PRKG1: variants seen among roughly 807,000 people sequenced by gnomAD.
PRKG1 encodes the protein cGMP-dependent protein kinase 1.
A neutral mutation model predicts 88.1 loss-of-function variants in PRKG1; 35 were observed. The observed-to-expected ratio is 0.40, with a 90% CI of 0.30 to 0.53. The LOEUF (loss-of-function observed/expected upper bound fraction) is 0.53, where lower values mean the gene tolerates loss of function less well. PRKG1 is among the 20% of genes least tolerant of loss of function. The pLI, the probability that PRKG1 is intolerant of heterozygous loss-of-function variation, is 0.59. For synonymous variants in PRKG1, 303 were observed against 292.5 expected (o/e 1.04, Z -0.37); for missense variants, 540 against 839.8 (o/e 0.64, Z 4.41).
intron 1 of PRKG1, among the ~76,000 whole-genome samples, chr10:51,077,322 A>T (rs1843982073): frequency 6.6e-6 from 1 of 152,220 alleles, no homozygotes; most frequent in Non-Finnish European, 1.5e-5. Context: ...TTAAACATAC[A>T]TATAGATTAT....
intron 3 of PRKG1, among the ~76,000 whole-genome samples, chr10:51,704,242 C>CAGATAGATAGAT (rs570192025): frequency 0.046 from 6,881 of 150,806 alleles, 484 homozygotes; most frequent in African/African-American, 0.15. Context: ...GATAGACAGA[C>CAGATAGATAGAT]AGACAGACAG....
intron 3 of PRKG1, among the ~76,000 whole-genome samples, chr10:51,566,385 A>G (rs1318992732): frequency 6.6e-6 from 1 of 152,074 alleles, no homozygotes; most frequent in Non-Finnish European, 1.5e-5. Context: ...TTATGTACTC[A>G]TTTCTGAGTA....
intron 2 of PRKG1, among the ~76,000 whole-genome samples, chr10:51,177,095 A>G (rs1837215376): frequency 6.6e-6 from 1 of 152,194 alleles, no homozygotes; most frequent in South Asian, 2.1e-4. Flanking sequence ...TCTTTCTAAC[A>G]TTCTAAGAAT....
At chr10:51,075,372 T>C (rs1843922580) in intron 1 of PRKG1, among the ~76,000 whole-genome samples, 1 of 152,234 alleles carries the variant, frequency 6.6e-6, no homozygotes, top group Non-Finnish European at 1.5e-5. Context: ...TTTCTCTACC[T>C]GCTGGCGCTT....
chr10:51,758,315 T>G (rs978261777), intron 3 of PRKG1, among the ~76,000 whole-genome samples: 4 of 152,198 alleles, frequency 2.6e-5, no homozygotes, highest in East Asian at 3.8e-4. Context: ...ACCAGTTCAT[T>G]GCAGAAAATA....
At chr10:51,444,717 T>C (rs1839218968) in intron 2 of PRKG1, among the ~76,000 whole-genome samples, 1 of 151,950 alleles carries the variant, frequency 6.6e-6, no homozygotes, top group Non-Finnish European at 1.5e-5. Context: ...CTGGTAGGCA[T>C]GAAGTGTATT....
At chr10:51,349,472 G>GTGTGTGTA (rs1842190418) in intron 2 of PRKG1, among the ~76,000 whole-genome samples, 1 of 79,784 alleles carries the variant, frequency 1.3e-5, no homozygotes, top group African/African-American at 4.5e-5. Context: ...GTGTGTGTGT[G>GTGTGTGTA]TGTGTGTGTG....
At chr10:51,735,930 CTTTTTTTTT>C (rs1180307253) in intron 3 of PRKG1, among the ~76,000 whole-genome samples, 9 of 74,952 alleles carry the variant, frequency 1.2e-4, no homozygotes, top group Non-Finnish European at 2.3e-4. Context: ...TTTAAGTTGT[CTTTTTTTTT>C]TTTTTTTTTT....
intron 2 of PRKG1, among the ~76,000 whole-genome samples, chr10:51,437,063 C>T (rs1372165528): frequency 6.6e-6 from 1 of 151,850 alleles, no homozygotes; most frequent in African/African-American, 2.4e-5. Flanking sequence ...TATCTTGTGG[C>T]GTCCTTGTTA....
chr10:51,755,454 C>T (rs988916436), intron 3 of PRKG1, among the ~76,000 whole-genome samples: 10 of 152,198 alleles, frequency 6.6e-5, no homozygotes, highest in Non-Finnish European at 1.5e-4. Context: ...TCTAAGTCAT[C>T]AGAAGCTAGA....
chr10:51,699,099 C>T (rs138451828), intron 3 of PRKG1: 2 of 1,614,202 alleles, frequency 1.2e-6, no homozygotes, highest in Non-Finnish European at 1.7e-6. Context: ...CTGTTTTGGA[C>T]ACAGAGCTTC....
intron 3 of PRKG1, among the ~76,000 whole-genome samples, chr10:51,735,877 ATATG>A (rs1434634769): frequency 8.6e-6 from 1 of 115,672 alleles, no homozygotes; most frequent in African/African-American, 3.8e-5. Flanking sequence ...ATATATATAT[ATATG>A]TATATTTATT....
chr10:51,649,282 G>T (rs1449072334), intron 3 of PRKG1, among the ~76,000 whole-genome samples: 2 of 152,000 alleles, frequency 1.3e-5, no homozygotes, highest in Non-Finnish European at 2.9e-5. Context: ...ATTTTAAAGA[G>T]AAGAAATAAT....
At chr10:51,563,223 G>T (rs1837515922) in intron 3 of PRKG1, among the ~76,000 whole-genome samples, 1 of 152,238 alleles carries the variant, frequency 6.6e-6, no homozygotes, top group East Asian at 1.9e-4. Flanking sequence ...GGAAGAATGA[G>T]TTCTAGTGTT....
At chr10:51,460,539 G>T (rs1839718346) in intron 2 of PRKG1, among the ~76,000 whole-genome samples, 1 of 151,884 alleles carries the variant, frequency 6.6e-6, no homozygotes, top group South Asian at 2.1e-4. Context: ...CTTTTTTGTG[G>T]GTGCACACTG....
At chr10:51,013,182 T>A (rs911574599) in intron 1 of PRKG1, among the ~76,000 whole-genome samples, 29 of 151,072 alleles carry the variant, frequency 1.9e-4, no homozygotes, top group Non-Finnish European at 3.2e-4. Context: ...TTATTTTTCA[T>A]CTGCAAAATG....
intron 3 of PRKG1, among the ~76,000 whole-genome samples, chr10:51,482,523 T>C (rs293312): frequency 0.66 from 100,275 of 151,952 alleles, 33,979 homozygotes; most frequent in East Asian, 0.88. Flanking sequence ...GACTTTCCCT[T>C]TCCCTTGAAG....
At chr10:51,044,033 T>C (rs574064399) in intron 1 of PRKG1, among the ~76,000 whole-genome samples, 6 of 152,310 alleles carry the variant, frequency 3.9e-5, no homozygotes, top group African/African-American at 1.4e-4. Flanking sequence ...CTGTCTATTT[T>C]ACAGATGATG....
intron 1 of PRKG1, among the ~76,000 whole-genome samples, chr10:51,057,595 T>C (rs147160378): frequency 9.2e-5 from 14 of 152,292 alleles, no homozygotes; most frequent in African/African-American, 2.9e-4. Flanking sequence ...AGGTAACTAT[T>C]ATCTTCACCA....
Sources: gnomAD v4.1 joint callset for allele counts (sites outside exome capture counted in the v4.1 genomes callset) on GRCh38, gnomAD v4.1.1 for gene constraint, MANE v1.5 for transcripts, NCBI Gene and HGNC (gene_info 2026-07-23, HGNC 2026-07-21) for gene names.